HES3: variants seen among roughly 807,000 people sequenced by gnomAD.
HES3 encodes hes family bHLH transcription factor 3.
Under a neutral mutation model 8.0 loss-of-function variants are expected in HES3, and 6 were observed. That is an observed-to-expected ratio of 0.75 (90% CI 0.41 to 1.49). The LOEUF is 1.49. Ranked by LOEUF, HES3 falls within the 40% of genes most tolerant of loss-of-function variation. HES3 has a pLI of 0.01. For missense variants in HES3, 266 were observed against 260.9 expected (o/e 1.02, Z -0.13); for synonymous variants, 121 against 119.4 (o/e 1.01, Z -0.09).
In HES3 at chr1:6,245,244, G is replaced by A; in HGVS notation, c.298G>A (p.Ala100Thr). 2 of 1,517,362 alleles carry A rather than the reference G, an allele frequency of 1.3e-6. No homozygotes were observed. Among genetic ancestry groups the A allele is most frequent in the South Asian group, 2.4e-5 (2 of 82,406 alleles). The allele number at this position is 1,517,362 out of a possible 1,614,324, so 94.0% of individuals were successfully genotyped here. The change falls in exon 4 of 4, where the codon GCC becomes ACC. Residue 100 changes from alanine (A) to threonine (T), a missense_variant. By Grantham distance (58) the Ala-to-Thr change is moderately conservative. Transcript: ENST00000377898. ...CTGCCCCCTGGTGCCCGAGAGCGCC[G>A]CCGGCAGCACCATGGACAGCGCCGG... is the stretch of plus-strand genomic sequence containing the variant. ...LRCPLVPESA[A>T]GSTMDSAGLG...
Position 6,245,337 on chromosome 1 carries a change from G to A in HES3, c.391G>A (p.Ala131Thr). The A allele has an allele frequency of 2.0e-6, 3 of 1,500,468 alleles. No homozygotes were observed. The highest frequency in any genetic ancestry group is 1.5e-5 in the African/African-American group (1 of 68,748). The allele number at this position is 1,500,468 out of a possible 1,614,324, so 92.9% of individuals were successfully genotyped here. A position where few individuals can be genotyped will look rare whatever the true frequency, so the allele number is the denominator to read the frequency against. Residue 131 changes from alanine to threonine, a missense_variant, in exon 4 of 4, where the codon GCC becomes ACC. Ala to Thr is a moderately conservative substitution (Grantham distance 58, BLOSUM62 0). Transcript: ENST00000377898. ...TPAVWAPAPA[A>T]GGPRSPPPLL... ...TGCCGTCTGGGCTCCTGCTCCGGCC[G>A]CCGGCGGCCCGCGGTCCCCACCACC...
chr1:6,245,026 CCCCCTT>C, intron 3 of HES3, 78 bp from the exon 4 acceptor site: 1 of 290,658 alleles, frequency 3.4e-6, no homozygotes, highest in South Asian at 3.4e-5. Flanking sequence ...TCCCCTCCCT[CCCCCTT>C]CCCCTCCTCT....
Position 6,245,400 on chromosome 1 carries a change from G to A in HES3, c.454G>A (p.Ala152Thr). ...LLPESLPGSS[A>T]SVPPPQPASS... is the part of the protein sequence containing the mutation. ...CCCCGAAAGTCTCCCTGGCTCGTCC[G>A]CCAGCGTCCCCCCGCCGCAGCCAGC... The change falls in exon 4 of 4, where the codon GCC (alanine) becomes ACC (threonine). Residue 152 changes from alanine (A) to threonine (T), a missense_variant. Physicochemically the swap from Ala to Thr is moderately conservative, Grantham distance 58 (BLOSUM62 0). Transcript: ENST00000377898. 3 of 1,532,102 alleles carry A rather than the reference G, an allele frequency of 2.0e-6. No homozygotes were observed. The highest frequency in any genetic ancestry group is 2.6e-6 in the Non-Finnish European group (3 of 1,148,484). The allele number at this position is 1,532,102 out of a possible 1,614,324, so 94.9% of individuals were successfully genotyped here. A position where few individuals can be genotyped will look rare whatever the true frequency, so the allele number is the denominator to read the frequency against.
In HES3 at chr1:6,244,360, C is replaced by T; in HGVS notation, c.-6C>T. The T allele has an allele frequency of 6.2e-7, 1 of 1,613,162 alleles. No individual in the cohort carries two copies. Among genetic ancestry groups the T allele is most frequent in the Non-Finnish European group, 8.5e-7 (1 of 1,179,810 alleles). ...GGCTGTTCATCTGCAGATTTCCAAG[C>T]CGCTGATGGAGAAAAAGCGCCGGGC... On this transcript the variant is annotated 5_prime_UTR_variant, in exon 2 of 4. Coordinates refer to ENST00000377898, the MANE Select transcript of HES3 (RefSeq NM_001024598.4).
At chr1:6,244,297 G>A (rs1405495330) in intron 1 of HES3, 54 bp from the exon 2 acceptor site, 1 of 1,440,600 alleles carries the variant, frequency 6.9e-7, no homozygotes, top group Non-Finnish European at 9.8e-7. Context: ...GTGTGGGGGG[G>A]TGCCGAGGGC....
rs776943541 is a variant in HES3, at chr1:6,244,661, G to A, written c.163+32G>A. The A allele has an allele frequency of 2.5e-6, 4 of 1,583,402 alleles. No homozygotes were observed. The Admixed American group carries it at 6.9e-5, about 27-fold the overall frequency. ...GGGAGGGCTGGAGGGAGGAGGGGGAGGCTTGTGGGATCAGAGCCAGGGATG... is the reference window on the plus strand; with the variant it reads ...GGGAGGGCTGGAGGGAGGAGGGGGAAGCTTGTGGGATCAGAGCCAGGGATG... On this transcript the variant is annotated intron_variant, in intron 3 of 3. Coordinates refer to ENST00000377898, the MANE Select transcript of HES3 (RefSeq NM_001024598.4).
At position 6,244,537 on chromosome 1, in the gene HES3, T is replaced by C. The variant is rs1022835981; in HGVS notation, c.82-11T>C. ...GAGGCCGGTCTAATAGACCTTTCCA[T>C]GGTCGGGTAGATCCGGAAGCGCAAA... On this transcript the variant is annotated splice_polypyrimidine_tract_variant and intron_variant, in intron 2 of 3. Coordinates refer to ENST00000377898, the MANE Select transcript of HES3 (RefSeq NM_001024598.4). The C allele has an allele frequency of 3.0e-5, 49 of 1,613,848 alleles. No individual in the cohort carries two copies. Among genetic ancestry groups the C allele is most frequent in the Non-Finnish European group, 3.9e-5 (46 of 1,179,956 alleles).
At chr1:6,245,011 T>TCCCCCCCCCCCCCCC in intron 3 of HES3, 99 bp from the exon 4 acceptor site, 6 of 103,060 alleles carry the variant, frequency 5.8e-5, no homozygotes, top group Non-Finnish European at 1.1e-4. Flanking sequence ...CCTCCCTTCC[T>TCCCCCCCCCCCCCCC]CCCCTCCCCT....
chr1:6,244,293 G>A (rs1367433280), intron 1 of HES3, 52 bp downstream of exon 1: 1 of 1,395,580 alleles, frequency 7.2e-7, no homozygotes, highest in South Asian at 1.2e-5. Flanking sequence ...GGAGGTGTGG[G>A]GGGGTGCCGA....
At chr1:6,245,045 C>T (rs1372328549) in intron 3 of HES3, 65 bp from the exon 4 acceptor site, 4 of 353,864 alleles carry the variant, frequency 1.1e-5, no homozygotes, top group African/African-American at 7.2e-5. Context: ...CCTCCTCTCC[C>T]TCCCCCTCCC....
chr1:6,245,531 G>A lies in HES3; in HGVS notation c.*24G>A. ...GAAGGCGCTCCCTATTTGGTCTCGC[G>A]ACACAGGGACTATTTTCAGCACGCC... is the stretch of plus-strand genomic sequence containing the variant. On this transcript the variant is annotated 3_prime_UTR_variant, in exon 4 of 4. Transcript: ENST00000377898. 2 of 1,460,266 alleles carry A rather than the reference G, an allele frequency of 1.4e-6. No individual in the cohort carries two copies. Among genetic ancestry groups the A allele is most frequent in the Non-Finnish European group, 1.8e-6 (2 of 1,118,230 alleles). 90.5% of individuals were successfully genotyped at this position (1,460,266 alleles called of 1,614,324 possible). A position where few individuals can be genotyped will look rare whatever the true frequency, so the allele number is the denominator to read the frequency against.
intron 1 of HES3, 46 bp downstream of exon 1, chr1:6,244,287 G>T: frequency 7.5e-7 from 1 of 1,326,622 alleles, no homozygotes; most frequent in Middle Eastern, 2.5e-4. Context: ...TCCCCGGGAG[G>T]TGTGGGGGGG....
rs774994320 is a variant in HES3 at position 6,245,466 on chromosome 1, G to C, written c.520G>C (p.Val174Leu). 9.8e-6 allele frequency: 15 copies of C among 1,523,968 alleles called. No individual in the cohort carries two copies. Among genetic ancestry groups the C allele is most frequent in the Middle Eastern group, 1.7e-4 (1 of 5,784 alleles). 94.4% of individuals were successfully genotyped at this position (1,523,968 alleles called of 1,614,324 possible). A position where few individuals can be genotyped will look rare whatever the true frequency, so the allele number is the denominator to read the frequency against. The change falls in exon 4 of 4, where the codon GTG (valine) becomes CTG (leucine). Residue 174 changes from valine to leucine, a missense_variant. Physicochemically the swap from Val to Leu is conservative, Grantham distance 32. Transcript: ENST00000377898. The stretch of plus-strand genomic sequence containing the variant: ...CGAGAGTCCCGGGCTGGGCCTGCGC[G>C]TGTGGCGGCCCTGGGGAAGCCCCGG... ...CAESPGLGLR[V>L]WRPWGSPGDD...
rs1044387709 is a variant in HES3, at chr1:6,245,146, C to T, written c.200C>T (p.Ser67Leu). The T allele has an allele frequency of 3.9e-6, 6 of 1,529,626 alleles. No homozygotes were observed. Among genetic ancestry groups the T allele is most frequent in the Non-Finnish European group, 5.2e-6 (6 of 1,145,184 alleles). 94.8% of individuals were successfully genotyped at this position (1,529,626 alleles called of 1,614,324 possible). A position where few individuals can be genotyped will look rare whatever the true frequency, so the allele number is the denominator to read the frequency against. ...WPVPRGAEQP[S>L]GFRSCLPGVS... ...GTGCCCAGGGGAGCCGAGCAACCGTCGGGCTTCCGCAGCTGCCTGCCCGGC... is the reference window on the plus strand; with the variant it reads ...GTGCCCAGGGGAGCCGAGCAACCGTTGGGCTTCCGCAGCTGCCTGCCCGGC... The change falls in exon 4 of 4, where the codon TCG becomes TTG. Residue 67 changes from serine to leucine, a missense_variant. By Grantham distance (145) the Ser-to-Leu change is moderately radical (BLOSUM62 -2). Coordinates refer to ENST00000377898, the MANE Select transcript of HES3 (RefSeq NM_001024598.4).
Position 6,245,142 on chromosome 1 carries a change from C to T in HES3, c.196C>T (p.Pro66Ser). The T allele has an allele frequency of 2.0e-6, 3 of 1,529,802 alleles. No individual in the cohort carries two copies. The highest frequency in any genetic ancestry group is 1.7e-6 in the Non-Finnish European group (2 of 1,145,268). 94.8% of individuals were successfully genotyped at this position (1,529,802 alleles called of 1,614,324 possible). ...LWPVPRGAEQPSGFRSCLPGV... is the reference protein window; with the variant it reads ...LWPVPRGAEQSSGFRSCLPGV... ...GCCTGTGCCCAGGGGAGCCGAGCAA[C>T]CGTCGGGCTTCCGCAGCTGCCTGCC... Residue 66 changes from proline to serine, a missense_variant, in exon 4 of 4, where the codon CCG becomes TCG. Pro to Ser is a moderately conservative substitution (Grantham distance 74, BLOSUM62 -1). Coordinates refer to ENST00000377898, the MANE Select transcript of HES3 (RefSeq NM_001024598.4).
Position 6,245,314 on chromosome 1 carries a change from C to G in HES3, c.368C>G (p.Ala123Gly). 6.6e-7 allele frequency: 1 copy of G among 1,506,458 alleles called. No individual in the cohort carries two copies. Among genetic ancestry groups the G allele is most frequent in the Non-Finnish European group, 8.8e-7 (1 of 1,135,548 alleles). The allele number at this position is 1,506,458 out of a possible 1,614,324, so 93.3% of individuals were successfully genotyped here. A position where few individuals can be genotyped will look rare whatever the true frequency, so the allele number is the denominator to read the frequency against. The change falls in exon 4 of 4, where the codon GCC becomes GGC. Residue 123 changes from alanine (A) to glycine (G), a missense_variant. Ala to Gly is a moderately conservative substitution (Grantham distance 60). Transcript: ENST00000377898. Reference protein sequence around the residue: ...APALFRPCTPAVWAPAPAAGG... With the variant: ...APALFRPCTPGVWAPAPAAGG... The stretch of plus-strand genomic sequence containing the variant: ...GCGCTGTTCCGCCCTTGCACCCCTG[C>G]CGTCTGGGCTCCTGCTCCGGCCGCC...
rs781716588 is a variant in HES3 at position 6,244,379 on chromosome 1, G to A, written c.14G>A (p.Arg5His). Residue 5 changes from arginine to histidine, a missense_variant, in exon 2 of 4, where the codon CGC (arginine) becomes CAC (histidine). Transcript: ENST00000377898. ...TCCAAGCCGCTGATGGAGAAAAAGC[G>A]CCGGGCACGCATCAATGTGTCACTG... Reference protein sequence around the residue: MEKKRRARINVSLEQ... With the variant: MEKKHRARINVSLEQ... 24 of 1,612,240 alleles carry A rather than the reference G, an allele frequency of 1.5e-5. No homozygotes were observed. The Admixed American group carries it at 2.5e-4, about 17-fold the overall frequency.
Position 6,245,201 on chromosome 1 carries a change from G to GCATC in HES3, c.255_256insCATC (p.Val86HisfsTer100). ...GCCAGCTCCTTCGGCGCGGAGATGA[G>GCATC]GTCGGCAGCGGCCTGCGCTGCCCCC... On this transcript the variant is annotated frameshift_variant, in exon 4 of 4. Coordinates refer to ENST00000377898, the MANE Select transcript of HES3 (RefSeq NM_001024598.4). LOFTEE classifies it low-confidence loss of function (END_TRUNC). The GCATC allele has an allele frequency of 6.6e-7, 1 of 1,523,154 alleles. No individual in the cohort carries two copies. Among genetic ancestry groups the GCATC allele is most frequent in the Non-Finnish European group, 8.8e-7 (1 of 1,142,332 alleles). 94.4% of individuals were successfully genotyped at this position (1,523,154 alleles called of 1,614,324 possible). A position where few individuals can be genotyped will look rare whatever the true frequency, so the allele number is the denominator to read the frequency against.
At chr1:6,245,003 T>TC in intron 3 of HES3, 107 bp from the exon 4 acceptor site, 1 of 149,044 alleles carries the variant, frequency 6.7e-6, no homozygotes, top group Non-Finnish European at 1.2e-5. Flanking sequence ...CTCTCCTCCC[T>TC]CCCTTCCTCC....
Sources: gnomAD v4.1 joint callset for allele counts on GRCh38, gnomAD v4.1.1 for gene constraint, MANE v1.5 for transcripts, NCBI Gene and HGNC (gene_info 2026-07-23, HGNC 2026-07-21) for gene names.